The following DEPDC1B variants were observed in gnomAD, a reference collection of about 807,000 sequenced individuals.
DEPDC1B encodes the protein DEP domain-containing protein 1B.
Under a neutral mutation model 66.5 loss-of-function variants are expected in DEPDC1B, and 51 were observed. The ratio of observed to expected loss-of-function variants is 0.77; its 90% CI spans 0.61 to 0.97. DEPDC1B has a LOEUF of 0.97. DEPDC1B is among the 50% of genes least tolerant of loss of function. The pLI is 0.00. For synonymous variants in DEPDC1B, 226 were observed against 223.6 expected (o/e 1.01, Z -0.10); for missense variants, 552 against 637.1 (o/e 0.87, Z 1.44).
At chr5:60,601,107 T>C (rs1752191961) in intron 9 of DEPDC1B, among the ~76,000 whole-genome samples, 2 of 152,236 alleles carry the variant, frequency 1.3e-5, no homozygotes, top group Admixed American at 1.3e-4. Flanking sequence ...GTAAGTTTCC[T>C]GGGGCCTCCC....
chr5:60,639,361 T>C (rs1165812185), intron 6 of DEPDC1B, among the ~76,000 whole-genome samples: 2 of 152,248 alleles, frequency 1.3e-5, no homozygotes, highest in African/African-American at 4.8e-5. Flanking sequence ...TGTTATATTA[T>C]AAAATCCTAC....
At chr5:60,651,320 G>A (rs1359626341) in intron 2 of DEPDC1B, among the ~76,000 whole-genome samples, 1 of 152,056 alleles carries the variant, frequency 6.6e-6, no homozygotes, top group East Asian at 1.9e-4. Flanking sequence ...CTGAGGTCAG[G>A]AATTCGAGAC....
intron 7 of DEPDC1B, among the ~76,000 whole-genome samples, chr5:60,628,977 A>T (rs1335965033): frequency 6.6e-6 from 1 of 152,200 alleles, no homozygotes; most frequent in South Asian, 2.1e-4. Context: ...GATCACTGAT[A>T]TAAGTAGCTT....
At chr5:60,699,922 G>T in intron 1 of DEPDC1B, 124 bp downstream of exon 1, 1 of 1,208,510 alleles carries the variant, frequency 8.3e-7, no homozygotes, top group South Asian at 1.3e-5. Flanking sequence ...AGTCCCAGCT[G>T]AAATGCTCCA....
intron 7 of DEPDC1B, among the ~76,000 whole-genome samples, chr5:60,633,076 G>A (rs1163757740): frequency 1.3e-5 from 2 of 152,192 alleles, no homozygotes; most frequent in African/African-American, 4.8e-5. Flanking sequence ...ACTTCACAAA[G>A]GCCTTAAGGC....
chr5:60,653,496 T>C (rs1753503500), intron 2 of DEPDC1B, among the ~76,000 whole-genome samples: 1 of 152,224 alleles, frequency 6.6e-6, no homozygotes, highest in Non-Finnish European at 1.5e-5. Flanking sequence ...ACATTGTGGA[T>C]ATTAGTCCTT....
intron 7 of DEPDC1B, among the ~76,000 whole-genome samples, chr5:60,610,493 A>G (rs1752393763): frequency 6.6e-6 from 1 of 152,218 alleles, no homozygotes; most frequent in African/African-American, 2.4e-5. Flanking sequence ...GCACTAATAG[A>G]TAAGATTAAA....
intron 9 of DEPDC1B, among the ~76,000 whole-genome samples, chr5:60,600,932 A>C (rs934619482): frequency 6.6e-6 from 1 of 152,150 alleles, no homozygotes. Context: ...GGGAGATGGG[A>C]GGTAACTGAA....
chr5:60,609,788 C>T (rs1752378692), intron 7 of DEPDC1B, among the ~76,000 whole-genome samples: 1 of 152,086 alleles, frequency 6.6e-6, no homozygotes, highest in South Asian at 2.1e-4. Context: ...AACACTTGTT[C>T]CAGGCTACCT....
At chr5:60,670,006 T>A (rs1467707793) in intron 2 of DEPDC1B, among the ~76,000 whole-genome samples, 1 of 151,948 alleles carries the variant, frequency 6.6e-6, no homozygotes, top group African/African-American at 2.4e-5. Context: ...AACCTCACAA[T>A]AGGTGGGGTG....
chr5:60,627,907 T>G (rs1330868960), intron 7 of DEPDC1B, among the ~76,000 whole-genome samples: 1 of 152,176 alleles, frequency 6.6e-6, no homozygotes, highest in Non-Finnish European at 1.5e-5. Context: ...ATGAGAAAAC[T>G]GGGTCCAGAA....
chr5:60,625,378 T>C (rs780600820), intron 7 of DEPDC1B, among the ~76,000 whole-genome samples: 17 of 152,212 alleles, frequency 1.1e-4, no homozygotes, highest in Non-Finnish European at 2.2e-4. Flanking sequence ...AAAGCGTTCC[T>C]ATTTTTCCAC....
rs1033312540 is a variant in DEPDC1B at position 60,620,903 on chromosome 5, G to A, written c.899-15047C>T. The stretch of plus-strand genomic sequence containing the variant: ...TTGGAACCAACCCAAATGTCCATCA[G>A]TGATAGACTGGATTAAGAAAATGTG... On this transcript the variant is annotated intron_variant, in intron 7 of 10. Transcript: ENST00000265036. Among the ~76,000 whole-genome samples, 3 of 152,130 alleles carry A rather than the reference G, an allele frequency of 2.0e-5. No individual in the cohort carries two copies. In the South Asian group the frequency reaches 6.2e-4, roughly 31 times the overall value.
At chr5:60,645,298 CCTAA>C (rs768990437) in intron 4 of DEPDC1B, among the ~76,000 whole-genome samples, 190 bp downstream of exon 4, 25 of 152,224 alleles carry the variant, frequency 1.6e-4, no homozygotes, top group East Asian at 3.9e-4. Context: ...CTTTTAAACT[CCTAA>C]CTATTATGTA....
intron 2 of DEPDC1B, among the ~76,000 whole-genome samples, chr5:60,670,570 A>G (rs1754012182): frequency 6.6e-6 from 1 of 152,264 alleles, no homozygotes; most frequent in Non-Finnish European, 1.5e-5. Context: ...CAATCTTGAA[A>G]AAGAACAAAG....
rs1186592488 is a variant in DEPDC1B, at chr5:60,668,143, ATATATAAAATGGATAT to A, written c.314+18803_314+18818del. Among the ~76,000 whole-genome samples the A allele has an allele frequency of 5.7e-5, 3 of 52,976 alleles. No individual in the cohort carries two copies. The Admixed American group carries it at 7.8e-4, about 14-fold the overall frequency. 34.8% of individuals were successfully genotyped at this position (52,976 alleles called of 152,430 possible). On this transcript the variant is annotated intron_variant, in intron 2 of 10. Transcript: ENST00000265036. The stretch of plus-strand genomic sequence containing the variant: ...TATATATAAAATGGATATTTTATAT[ATATATAAAATGGATAT>A]TATATATATATAAAATGGATATTTT...
chr5:60,634,261 T>C (rs1752989721), intron 7 of DEPDC1B, among the ~76,000 whole-genome samples: 1 of 152,226 alleles, frequency 6.6e-6, no homozygotes, highest in Non-Finnish European at 1.5e-5. Flanking sequence ...GTCTTATCAG[T>C]GTTTTTTCCT....
chr5:60,639,438 A>T (rs908929786), intron 6 of DEPDC1B, among the ~76,000 whole-genome samples: 2 of 152,236 alleles, frequency 1.3e-5, no homozygotes, highest in African/African-American at 4.8e-5. Flanking sequence ...AACTTAAAAA[A>T]ATCCTTAAAA....
intron 2 of DEPDC1B, among the ~76,000 whole-genome samples, chr5:60,654,371 T>G (rs1753529038): frequency 6.7e-6 from 1 of 148,160 alleles, no homozygotes; most frequent in Non-Finnish European, 1.5e-5. Context: ...TTTTTCTTTT[T>G]TTTTGGTGGG....
Sources: allele counts gnomAD v4.1 joint callset (sites outside exome capture counted in the v4.1 genomes callset), GRCh38; gene constraint gnomAD v4.1.1; transcripts MANE v1.5; gene names NCBI Gene and HGNC (gene_info 2026-07-23, HGNC 2026-07-21).